Variants in PPP6C observed in about 807,000 individuals in gnomAD.
PPP6C encodes the protein serine/threonine-protein phosphatase 6 catalytic subunit.
Under a neutral mutation model 39.8 loss-of-function variants are expected in PPP6C, and 11 were observed. The observed-to-expected ratio is 0.28, with a 90% confidence interval of 0.17 to 0.46. The LOEUF is 0.46. Ranked by LOEUF, PPP6C falls within the 20% of genes least tolerant of loss-of-function variation. The pLI is 1.00. For missense variants in PPP6C, 211 were observed against 373.9 expected, an observed-to-expected ratio of 0.56 and a Z score of 3.59; for synonymous variants, 129 against 130.3, an observed-to-expected ratio of 0.99 and a Z score of 0.07.
intron 1 of PPP6C, among the ~76,000 whole-genome samples, chr9:125,188,370 G>A (rs1829577602): frequency 6.6e-6 from 1 of 152,084 alleles, no homozygotes; most frequent in Non-Finnish European, 1.5e-5. Context: ...GGGCGACAGA[G>A]CGAGACTCCG....
intron 1 of PPP6C, among the ~76,000 whole-genome samples, chr9:125,183,202 C>A (rs1038348556): frequency 1.3e-5 from 2 of 152,154 alleles, no homozygotes; most frequent in African/African-American, 4.8e-5. Flanking sequence ...CTTATCATTG[C>A]CTTATCTCAG....
chr9:125,184,633 T>C (rs1266646336), intron 1 of PPP6C, among the ~76,000 whole-genome samples: 1 of 151,854 alleles, frequency 6.6e-6, no homozygotes, highest in African/African-American at 2.4e-5. Flanking sequence ...AATAAACCTT[T>C]ACTGATTATC....
intron 6 of PPP6C, among the ~76,000 whole-genome samples, chr9:125,150,316 G>A (rs1835903638): frequency 6.6e-6 from 1 of 152,098 alleles, no homozygotes; most frequent in South Asian, 2.1e-4. Context: ...GGAAACAAAA[G>A]CTCAGACTAG....
chr9:125,158,526 A>C, intron 3 of PPP6C, 144 bp from the exon 4 acceptor site: 1 of 848,034 alleles, frequency 1.2e-6, no homozygotes, highest in Non-Finnish European at 1.6e-6. Context: ...TTTAACAAAA[A>C]AATAAAATAC....
In PPP6C at chr9:125,149,466, T is replaced by C. The variant is rs1835885814; in HGVS notation, c.*207A>G. On this transcript the variant is annotated 3_prime_UTR_variant, in exon 7 of 7. Coordinates refer to ENST00000373547, the MANE Select transcript of PPP6C (RefSeq NM_002721.5). ...TTCTCAAATGAGTCCAGGGTGGGGA[T>C]GGGATGGGGGAAAATTGATAGAAAA... 1.8e-6 allele frequency: 1 copy of C among 547,036 alleles called. No homozygotes were observed. The allele number at this position is 547,036 out of a possible 1,614,324, so 33.9% of individuals were successfully genotyped here.
At chr9:125,157,184 T>C (rs932054866) in intron 4 of PPP6C, among the ~76,000 whole-genome samples, 5 of 144,528 alleles carry the variant, frequency 3.5e-5, no homozygotes, top group Non-Finnish European at 7.6e-5. Flanking sequence ...CAGGGTTTAG[T>C]TGGCCAGGCT....
chr9:125,178,874 T>C (rs1262910148), intron 1 of PPP6C, among the ~76,000 whole-genome samples: 1 of 152,042 alleles, frequency 6.6e-6, no homozygotes, highest in Non-Finnish European at 1.5e-5. Flanking sequence ...GACAGCAACT[T>C]TTGTCCATTT....
At chr9:125,175,272 A>C (rs1700788093) in intron 1 of PPP6C, among the ~76,000 whole-genome samples, 1 of 152,222 alleles carries the variant, frequency 6.6e-6, no homozygotes, top group South Asian at 2.1e-4. Flanking sequence ...CTGAACTTTG[A>C]GCCTTAAACT....
chr9:125,153,451 G>C lies in PPP6C; in HGVS notation c.669+82C>G. 6 of 1,316,852 alleles carry C rather than the reference G, an allele frequency of 4.6e-6. No individual in the cohort carries two copies. The South Asian group carries it at 7.8e-5, about 17-fold the overall frequency. 81.6% of individuals were successfully genotyped at this position (1,316,852 alleles called of 1,614,324 possible). A position where few individuals can be genotyped will look rare whatever the true frequency, so the allele number is the denominator to read the frequency against. On this transcript the variant is annotated intron_variant, in intron 6 of 6. Coordinates refer to ENST00000373547, the MANE Select transcript of PPP6C (RefSeq NM_002721.5). ...ATATTTTGAGTAAGCTAGACTACAA[G>C]TTTGTTATCTAGGGCCACCATAGTT...
intron 2 of PPP6C, among the ~76,000 whole-genome samples, chr9:125,166,051 C>T (rs539621123): frequency 6.6e-6 from 1 of 152,224 alleles, no homozygotes; most frequent in African/African-American, 2.4e-5. Context: ...CTTGCCACGG[C>T]CTCCCAAAGT....
At chr9:125,158,786 T>A (rs552682296) in intron 3 of PPP6C, among the ~76,000 whole-genome samples, 1 of 151,910 alleles carries the variant, frequency 6.6e-6, no homozygotes, top group Admixed American at 6.6e-5. Context: ...CTCAGACTCC[T>A]GAGTAGCTGG....
Position 125,189,680 on chromosome 9 carries a change from C to G in PPP6C, c.39G>C (p.Ala13=), listed in dbSNP as rs1269723352. Residue 13 remains alanine, a synonymous_variant, in exon 1 of 7, where the codon GCG becomes GCC. Coordinates refer to ENST00000373547, the MANE Select transcript of PPP6C (RefSeq NM_002721.5). ...TCTCTGGCAGGTACTTGCACAGCCG[C>G]GCTATTTCCACATACTTGTCCAGGT... ...PLDLDKYVEI[A]RLCKYLPEND... 6.8e-6 allele frequency: 11 copies of G among 1,612,368 alleles called. No individual in the cohort carries two copies. Among genetic ancestry groups the G allele is most frequent in the African/African-American group, 2.7e-5 (2 of 74,650 alleles).
intron 2 of PPP6C, among the ~76,000 whole-genome samples, chr9:125,167,396 A>AAAAAAG (rs1355880967): frequency 2.8e-5 from 4 of 143,526 alleles, no homozygotes; most frequent in African/African-American, 1.1e-4. Context: ...AAAAAAAAAA[A>AAAAAAG]AAAGAAATAA....
chr9:125,151,463 C>T, intron 6 of PPP6C: 1 of 798,246 alleles, frequency 1.3e-6, no homozygotes, highest in Non-Finnish European at 2.3e-6. Flanking sequence ...TAACATACCC[C>T]AGGAGGACAA....
intron 6 of PPP6C, chr9:125,150,538 C>A (rs534836174): frequency 4.1e-6 from 2 of 485,306 alleles, no homozygotes; most frequent in East Asian, 1.1e-4. Context: ...TTGAAGATGG[C>A]GGAGTAGCAT....
chr9:125,179,349 A>C (rs1829375275), intron 1 of PPP6C, among the ~76,000 whole-genome samples: 1 of 152,220 alleles, frequency 6.6e-6, no homozygotes, highest in African/African-American at 2.4e-5. Context: ...AAAAGCTTTT[A>C]ATTTTAATGA....
chr9:125,176,843 T>C (rs905803809), intron 1 of PPP6C, among the ~76,000 whole-genome samples: 1 of 152,116 alleles, frequency 6.6e-6, no homozygotes, highest in African/African-American at 2.4e-5. Context: ...CCAGATGTTA[T>C]CTGAATGTAG....
chr9:125,171,468 C>CATATATAT (rs556223259), intron 1 of PPP6C, among the ~76,000 whole-genome samples: 1 of 71,552 alleles, frequency 1.4e-5, no homozygotes, highest in Admixed American at 1.5e-4. Flanking sequence ...TATACACACA[C>CATATATAT]ACACACACAC....
intron 1 of PPP6C, among the ~76,000 whole-genome samples, chr9:125,186,299 T>A (rs1481288984): frequency 1.3e-5 from 2 of 151,994 alleles, no homozygotes; most frequent in African/African-American, 2.4e-5. Context: ...CAGAAAAAAA[T>A]TAAATTTCTT....
Sources: gnomAD v4.1 joint callset for allele counts (sites outside exome capture counted in the v4.1 genomes callset) on GRCh38, gnomAD v4.1.1 for gene constraint, MANE v1.5 for transcripts, NCBI Gene and HGNC (gene_info 2026-07-23, HGNC 2026-07-21) for gene names.